Variants in CD302 observed in about 807,000 individuals in gnomAD.
CD302 encodes the protein CD302 molecule, also known as CD302 antigen.
CD302 carries 23 observed loss-of-function variants against 26.5 expected under a neutral mutation model. The ratio of observed to expected loss-of-function variants is 0.87; its 90% confidence interval spans 0.62 to 1.23. CD302 has a LOEUF of 1.23. CD302 is among the 50% of genes most tolerant of loss of function. The pLI, the probability that CD302 is intolerant of heterozygous loss-of-function variation, is 0.00. For missense variants in CD302, 290 were observed against 275.5 expected, an observed-to-expected ratio of 1.05 and a Z score of -0.37; for synonymous variants, 90 against 99.4, an observed-to-expected ratio of 0.91 and a Z score of 0.56.
intron 1 of CD302, among the ~76,000 whole-genome samples, chr2:159,796,780 A>T (rs1682435682): frequency 6.6e-6 from 1 of 152,220 alleles, no homozygotes; most frequent in South Asian, 2.1e-4. Flanking sequence ...GAAGAGACAT[A>T]CCAAAATCTA....
Position 159,783,397 on chromosome 2 carries a change from T to TCTA in CD302, c.137_139dup (p.Val46dup). ...CTGATTTCTGACATCCTCTATGCTT[T>TCTA]CTACTTTGATGGCTTCTTGGAGAAA... On this transcript the variant is annotated inframe_insertion, in exon 2 of 6. Coordinates refer to ENST00000259053, the MANE Select transcript of CD302 (RefSeq NM_014880.5). 1 of 1,612,460 alleles carries TCTA rather than the reference T, an allele frequency of 6.2e-7. No individual in the cohort carries two copies. Among genetic ancestry groups the TCTA allele is most frequent in the Non-Finnish European group, 8.5e-7 (1 of 1,179,604 alleles).
chr2:159,772,106 A>T, intron 5 of CD302, 53 bp from the exon 6 acceptor site: 1 of 1,571,994 alleles, frequency 6.4e-7, no homozygotes, highest in Non-Finnish European at 8.7e-7. Flanking sequence ...CACAAGTTGC[A>T]AGTATATTTT....
At chr2:159,787,355 CTTAATAT>C (rs1708693634) in intron 1 of CD302, among the ~76,000 whole-genome samples, 1 of 152,172 alleles carries the variant, frequency 6.6e-6, no homozygotes, top group Admixed American at 6.5e-5. Context: ...TATCTACCAT[CTTAATAT>C]TTGTTTTTCA....
At chr2:159,788,646 G>A (rs1354381507) in intron 1 of CD302, among the ~76,000 whole-genome samples, 3 of 152,212 alleles carry the variant, frequency 2.0e-5, no homozygotes, top group African/African-American at 7.2e-5. Context: ...GGACAGTAAT[G>A]TGCTTTTCCC....
Position 159,780,872 on chromosome 2 carries a change from T to TA in CD302, c.295+9dup. The TA allele has an allele frequency of 6.2e-7, 1 of 1,608,858 alleles. No homozygotes were observed. Among genetic ancestry groups the TA allele is most frequent in the Non-Finnish European group, 8.5e-7 (1 of 1,177,704 alleles). On this transcript the variant is annotated intron_variant, in intron 3 of 5. Transcript: ENST00000259053. ...ACAAAGTCACGTCCCACGAGGTAAA[T>TA]ATCACTTACCATCTGTGTCATAAAA...
chr2:159,784,607 T>TG (rs1187024460), intron 1 of CD302, among the ~76,000 whole-genome samples: 2 of 152,056 alleles, frequency 1.3e-5, no homozygotes, highest in Non-Finnish European at 2.9e-5. Context: ...CCACCCGCCT[T>TG]GGTCTCTTAA....
At chr2:159,795,060 T>TA (rs1208343747) in intron 1 of CD302, among the ~76,000 whole-genome samples, 1 of 150,766 alleles carries the variant, frequency 6.6e-6, no homozygotes, top group African/African-American at 2.4e-5. Flanking sequence ...CCATCTCTAC[T>TA]AAAAATACAA....
chr2:159,779,654 A>G (rs1429057882), intron 4 of CD302, among the ~76,000 whole-genome samples: 1 of 151,562 alleles, frequency 6.6e-6, no homozygotes, highest in Non-Finnish European at 1.5e-5. Context: ...TTTGAGACAG[A>G]GTGTTGCTCT....
chr2:159,786,736 C>A (rs1359226256), intron 1 of CD302, among the ~76,000 whole-genome samples: 1 of 152,188 alleles, frequency 6.6e-6, no homozygotes, highest in Admixed American at 6.5e-5. Context: ...TCAAATAAAA[C>A]ATACATGCAA....
chr2:159,794,086 C>T (rs1053199270), intron 1 of CD302, among the ~76,000 whole-genome samples: 3 of 129,222 alleles, frequency 2.3e-5, no homozygotes, highest in African/African-American at 8.8e-5. Flanking sequence ...CAAAGTGAGA[C>T]CCCACCTCTA....
At chr2:159,795,273 G>A (rs917968929) in intron 1 of CD302, among the ~76,000 whole-genome samples, 1 of 151,682 alleles carries the variant, frequency 6.6e-6, no homozygotes, top group African/African-American at 2.4e-5. Flanking sequence ...AGATTAAGAT[G>A]ATTTAAGGCT....
Position 159,770,358 on chromosome 2 carries a change from CTGT to C in CD302, c.*1490_*1492del, listed in dbSNP as rs1708098558. The C allele has an allele frequency of 6.8e-6, 1 of 147,426 alleles. No homozygotes were observed. Among genetic ancestry groups the C allele is most frequent in the Non-Finnish European group, 1.5e-5 (1 of 67,956 alleles). 9.1% of individuals were successfully genotyped at this position (147,426 alleles called of 1,614,324 possible). On this transcript the variant is annotated 3_prime_UTR_variant, in exon 6 of 6. Coordinates refer to ENST00000259053, the MANE Select transcript of CD302 (RefSeq NM_014880.5). ...GCATTTTCAGTACCATGTAGCCGCA[CTGT>C]TAATAGTTTTCTATCACTTTTTAGT...
At chr2:159,790,858 G>C (rs1305955913) in intron 1 of CD302, among the ~76,000 whole-genome samples, 3 of 152,056 alleles carry the variant, frequency 2.0e-5, no homozygotes, top group Admixed American at 1.3e-4. Flanking sequence ...ATATAAAAAT[G>C]AATTAATTTT....
At chr2:159,778,984 C>T (rs911456445) in intron 4 of CD302, among the ~76,000 whole-genome samples, 5 of 151,920 alleles carry the variant, frequency 3.3e-5, no homozygotes, top group Admixed American at 6.6e-5. Flanking sequence ...GTAATCCTAA[C>T]ACTTTGGGAG....
chr2:159,778,184 A>C (rs761144409), intron 4 of CD302, among the ~76,000 whole-genome samples: 1 of 152,182 alleles, frequency 6.6e-6, no homozygotes, highest in Non-Finnish European at 1.5e-5. Flanking sequence ...AACAACATGC[A>C]TTAGCTTGGT....
chr2:159,773,869 GAAAC>G (rs1319627964), intron 5 of CD302, among the ~76,000 whole-genome samples: 1 of 151,958 alleles, frequency 6.6e-6, no homozygotes, highest in African/African-American at 2.4e-5. Context: ...TTTTTTTAAA[GAAAC>G]AAAATTTAGG....
chr2:159,776,414 A>G (rs1708326369), intron 5 of CD302, among the ~76,000 whole-genome samples: 1 of 152,022 alleles, frequency 6.6e-6, no homozygotes, highest in South Asian at 2.1e-4. Context: ...TATTTGGGAT[A>G]CATACTCAGA....
At chr2:159,783,137 C>A (rs1708567260) in intron 2 of CD302, among the ~76,000 whole-genome samples, 1 of 152,196 alleles carries the variant, frequency 6.6e-6, no homozygotes, top group Admixed American at 6.5e-5. Flanking sequence ...GTTAAATAGA[C>A]CCTGCTTTGG....
At chr2:159,772,245 C>T (rs184331270) in intron 5 of CD302, among the ~76,000 whole-genome samples, 192 bp from the exon 6 acceptor site, 2 of 152,262 alleles carry the variant, frequency 1.3e-5, no homozygotes, top group African/African-American at 2.4e-5. Context: ...GAATAGTACT[C>T]AAATTTTCTA....
Sources: allele counts gnomAD v4.1 joint callset (sites outside exome capture counted in the v4.1 genomes callset), GRCh38; gene constraint gnomAD v4.1.1; transcripts MANE v1.5; gene names NCBI Gene and HGNC (gene_info 2026-07-23, HGNC 2026-07-21).